FHIT: variants seen among roughly 807,000 people sequenced by gnomAD.
FHIT encodes fragile histidine triad diadenosine triphosphatase, also known as bis(5'-adenosyl)-triphosphatase.
Under a neutral mutation model 17.9 loss-of-function variants are expected in FHIT, and 19 were observed. The ratio of observed to expected loss-of-function variants is 1.06; its 90% CI spans 0.74 to 1.56. The LOEUF is 1.56. Ranked by LOEUF, FHIT falls within the 40% of genes most tolerant of loss-of-function variation. The probability of loss-of-function intolerance (pLI) is 0.00; values close to 1 mark genes in which losing one functional copy is unlikely to be tolerated. For synonymous variants in FHIT, 81 were observed against 69.7 expected, an observed-to-expected ratio of 1.16 and a Z score of -0.81; for missense variants, 248 against 189.2, an observed-to-expected ratio of 1.31 and a Z score of -1.82.
chr3:60,246,805 G>T (rs527308607), intron 5 of FHIT, among the ~76,000 whole-genome samples: 1 of 152,122 alleles, frequency 6.6e-6, no homozygotes, highest in Non-Finnish European at 1.5e-5. Context: ...CCTCTCTGCT[G>T]CAGTTGAAGC....
chr3:60,841,850 G>T (rs1042258785), intron 3 of FHIT, among the ~76,000 whole-genome samples: 3 of 152,022 alleles, frequency 2.0e-5, no homozygotes, highest in Non-Finnish European at 2.9e-5. Flanking sequence ...GAACTGAGAA[G>T]GCTACTAAAT....
At chr3:60,015,586 G>A (rs370220043) in intron 5 of FHIT, among the ~76,000 whole-genome samples, 297 of 152,178 alleles carry the variant, frequency 2.0e-3, no homozygotes, top group Middle Eastern at 0.017. Flanking sequence ...GTGTTAAAAG[G>A]GACCCTTCCC....
intron 1 of FHIT, among the ~76,000 whole-genome samples, chr3:61,232,604 CT>C (rs2040135091): frequency 6.6e-6 from 1 of 152,122 alleles, no homozygotes; most frequent in South Asian, 2.1e-4. Context: ...AGAAACATAC[CT>C]TTGAAATTCT....
chr3:59,801,675 G>A (rs1699998720), intron 8 of FHIT, among the ~76,000 whole-genome samples: 1 of 152,012 alleles, frequency 6.6e-6, no homozygotes, highest in Non-Finnish European at 1.5e-5. Flanking sequence ...CATTCGCTAC[G>A]CATAATCCCA....
chr3:60,268,854 T>C (rs375575525), intron 5 of FHIT, among the ~76,000 whole-genome samples: 5 of 152,124 alleles, frequency 3.3e-5, no homozygotes, highest in African/African-American at 1.2e-4. Flanking sequence ...ATTATCTAGG[T>C]GGGCCCAACA....
chr3:61,069,520 T>C (rs191892539), intron 2 of FHIT, among the ~76,000 whole-genome samples: 2 of 152,312 alleles, frequency 1.3e-5, no homozygotes, highest in Admixed American at 6.5e-5. Flanking sequence ...TCTATTAGCA[T>C]ATGTAGTTAC....
chr3:60,100,214 G>T (rs550695459), intron 5 of FHIT, among the ~76,000 whole-genome samples: 1 of 151,980 alleles, frequency 6.6e-6, no homozygotes, highest in South Asian at 2.1e-4. Flanking sequence ...GTAAAACCCC[G>T]TCTCTACTAA....
At chr3:59,914,652 G>T (rs190758072) in intron 8 of FHIT, among the ~76,000 whole-genome samples, 2 of 152,026 alleles carry the variant, frequency 1.3e-5, no homozygotes, top group African/African-American at 2.4e-5. Context: ...TGCTTATTTT[G>T]ATTTTCTTCA....
intron 5 of FHIT, among the ~76,000 whole-genome samples, chr3:60,520,783 G>C (rs1182278720): frequency 1.3e-5 from 2 of 152,092 alleles, no homozygotes; most frequent in Non-Finnish European, 2.9e-5. Flanking sequence ...TGAGCATCTA[G>C]ACTCATCTAA....
intron 5 of FHIT, among the ~76,000 whole-genome samples, chr3:60,173,254 G>T (rs113635801): frequency 1.1e-3 from 161 of 152,190 alleles, no homozygotes; most frequent in African/African-American, 3.7e-3. Flanking sequence ...GTATCTTAGG[G>T]TCCAGATTCC....
intron 8 of FHIT, among the ~76,000 whole-genome samples, chr3:59,785,159 C>T (rs1702781612): frequency 6.6e-6 from 1 of 152,172 alleles, no homozygotes; most frequent in Admixed American, 6.5e-5. Context: ...ATGACCCAAT[C>T]ACCTCCCACC....
At chr3:60,336,655 G>A (rs950447618) in intron 5 of FHIT, among the ~76,000 whole-genome samples, 42 of 152,158 alleles carry the variant, frequency 2.8e-4, no homozygotes, top group African/African-American at 9.9e-4. Flanking sequence ...TGGAAATTCA[G>A]GTCCTCATTG....
At chr3:60,900,255 A>T (rs1000966420) in intron 3 of FHIT, among the ~76,000 whole-genome samples, 3 of 152,142 alleles carry the variant, frequency 2.0e-5, no homozygotes, top group Non-Finnish European at 4.4e-5. Context: ...ACAAAATTTA[A>T]GTAGAACTAA....
At chr3:61,093,560 T>C (rs1476500309) in intron 2 of FHIT, among the ~76,000 whole-genome samples, 2 of 152,174 alleles carry the variant, frequency 1.3e-5, no homozygotes, top group Non-Finnish European at 2.9e-5. Flanking sequence ...ATGCAGAACC[T>C]GTAACAGATT....
chr3:60,878,701 C>G (rs913329887), intron 3 of FHIT, among the ~76,000 whole-genome samples: 1 of 151,980 alleles, frequency 6.6e-6, no homozygotes, highest in African/African-American at 2.4e-5. Flanking sequence ...CATGTGTTCT[C>G]ATTGTTCAAT....
At chr3:60,271,620 A>C (rs74968737) in intron 5 of FHIT, among the ~76,000 whole-genome samples, 1 of 152,158 alleles carries the variant, frequency 6.6e-6, no homozygotes, top group East Asian at 1.9e-4. Context: ...AAGTGCACGG[A>C]AAGTATAGAG....
chr3:60,323,909 C>T (rs1046750542), intron 5 of FHIT, among the ~76,000 whole-genome samples: 21 of 152,100 alleles, frequency 1.4e-4, no homozygotes, highest in Admixed American at 3.3e-4. Context: ...GAGAAAGCTT[C>T]CCCCTGGCTA....
At chr3:60,854,025 G>A (rs9838372) in intron 3 of FHIT, among the ~76,000 whole-genome samples, 10,890 of 152,058 alleles carry the variant, frequency 0.072, 1,254 homozygotes, top group African/African-American at 0.24. Context: ...ATATCCAAAT[G>A]CCTAAAACAT....
At chr3:61,049,739 A>C (rs1014673146) in intron 2 of FHIT, among the ~76,000 whole-genome samples, 2 of 152,140 alleles carry the variant, frequency 1.3e-5, no homozygotes, top group Non-Finnish European at 2.9e-5. Context: ...AAAATATGAC[A>C]CCTTGGTATT....
Sources: gnomAD v4.1 joint callset for allele counts (sites outside exome capture counted in the v4.1 genomes callset) on GRCh38, gnomAD v4.1.1 for gene constraint, MANE v1.5 for transcripts, NCBI Gene and HGNC (gene_info 2026-07-23, HGNC 2026-07-21) for gene names.